The following NUS1 variants were observed in gnomAD, a reference collection of about 807,000 sequenced individuals.
The protein encoded by NUS1 is NUS1 dehydrodolichyl diphosphate synthase subunit, also known as dehydrodolichyl diphosphate synthase complex subunit NUS1.
For synonymous variants in NUS1, 135 were observed against 155.2 expected (o/e 0.87, Z 0.97); for missense variants, 292 against 382.9 (o/e 0.76, Z 1.98).
At chr6:117,680,838 A>T (rs1038903406) in intron 1 of NUS1, among the ~76,000 whole-genome samples, 2 of 152,114 alleles carry the variant, frequency 1.3e-5, no homozygotes, top group African/African-American at 2.4e-5. Flanking sequence ...AAGACAACAA[A>T]TTTTTTTTGT....
rs767517042 is a variant in NUS1, at chr6:117,675,814, C to T, written c.144C>T (p.Val48=). ...RRCCRAASAA[V]LAPLGFTLRK... ...GCTGCCGCGCCGCCTCTGCCGCGGT[C>T]CTAGCGCCGCTCGGCTTCACGCTCC... The change falls in exon 1 of 5, where the codon GTC becomes GTT. Residue 48 remains valine (V), a synonymous_variant. Coordinates refer to ENST00000368494, the MANE Select transcript of NUS1 (RefSeq NM_138459.5). 70 of 1,558,472 alleles carry T rather than the reference C, an allele frequency of 4.5e-5. No individual in the cohort carries two copies. The highest frequency in any genetic ancestry group is 2.3e-4 in the Middle Eastern group (1 of 4,368).
intron 1 of NUS1, among the ~76,000 whole-genome samples, chr6:117,680,576 T>C (rs1017198058): frequency 2.6e-5 from 4 of 152,204 alleles, no homozygotes; most frequent in Non-Finnish European, 4.4e-5. Context: ...CACTTAGTAA[T>C]CAAACTTAAT....
intron 1 of NUS1, among the ~76,000 whole-genome samples, chr6:117,679,791 A>G (rs554604729): frequency 2.6e-4 from 40 of 152,352 alleles, no homozygotes; most frequent in African/African-American, 8.4e-4. Context: ...CTAGGAAATC[A>G]TGCAGTGTTA....
At position 117,710,727 on chromosome 6, in the gene NUS1, A is replaced by G. The variant is rs896413467; in HGVS notation, c.*3712A>G. Reference sequence around the variant, plus strand: ...ACATGAAAATAAAATGTTTTAAAAAATTATAGTCCACATTCAGTTATTCTT... The same window carrying G: ...ACATGAAAATAAAATGTTTTAAAAAGTTATAGTCCACATTCAGTTATTCTT... On this transcript the variant is annotated 3_prime_UTR_variant, in exon 5 of 5. Transcript: ENST00000368494. 1.1e-4 allele frequency: 16 copies of G among 152,252 alleles called. No individual in the cohort carries two copies. The highest frequency in any genetic ancestry group is 9.8e-4 in the Admixed American group (15 of 15,284). The allele number at this position is 152,252 out of a possible 1,614,324, so 9.4% of individuals were successfully genotyped here. A position where few individuals can be genotyped will look rare whatever the true frequency, so the allele number is the denominator to read the frequency against.
intron 1 of NUS1, among the ~76,000 whole-genome samples, chr6:117,679,199 C>T (rs1354830011): frequency 3.9e-5 from 6 of 152,044 alleles, no homozygotes; most frequent in Non-Finnish European, 7.4e-5. Flanking sequence ...CTTTAAGGAG[C>T]GAAAAATGGA....
intron 1 of NUS1, among the ~76,000 whole-genome samples, chr6:117,678,827 G>T (rs1773021439): frequency 6.6e-6 from 1 of 151,856 alleles, no homozygotes; most frequent in South Asian, 2.1e-4. Flanking sequence ...TACAGGTGAT[G>T]CGCGCCACCC....
intron 3 of NUS1, among the ~76,000 whole-genome samples, chr6:117,697,159 G>A (rs9374676): frequency 6.6e-6 from 1 of 151,732 alleles, no homozygotes; most frequent in African/African-American, 2.4e-5. Flanking sequence ...AAACATACAA[G>A]AGATACACAA....
chr6:117,706,995 G>A lies in NUS1; in HGVS notation c.862G>A (p.Glu288Lys), dbSNP rs1562184035. 1 of 1,612,582 alleles carries A rather than the reference G, an allele frequency of 6.2e-7. No homozygotes were observed. The highest frequency in any genetic ancestry group is 1.3e-5 in the African/African-American group (1 of 74,934). The change falls in exon 5 of 5, where the codon GAA becomes AAA. Residue 288 changes from glutamate (E) to lysine (K), a missense_variant. By Grantham distance (56) the Glu-to-Lys change is moderately conservative. Coordinates refer to ENST00000368494, the MANE Select transcript of NUS1 (RefSeq NM_138459.5). ...FSALRQYAAC[E>K]QRLGK ...TGCCCTTCGTCAATATGCAGCCTGT[G>A]AACAGCGTCTGGGAAAGTAGTGGTC...
chr6:117,676,474 A>AGG (rs1326637469), intron 1 of NUS1, among the ~76,000 whole-genome samples: 2 of 152,170 alleles, frequency 1.3e-5, no homozygotes, highest in East Asian at 3.9e-4. Flanking sequence ...GCTACTAGGG[A>AGG]GGCTGAGGCA....
intron 3 of NUS1, among the ~76,000 whole-genome samples, chr6:117,699,115 A>G (rs72951515): frequency 0.049 from 7,385 of 152,236 alleles, 193 homozygotes; most frequent in Middle Eastern, 0.12. Flanking sequence ...CACTTTCACC[A>G]CTGTTATTTA....
intron 2 of NUS1, 48 bp from the exon 3 acceptor site, chr6:117,693,983 A>G: frequency 1.9e-6 from 3 of 1,579,806 alleles, no homozygotes; most frequent in African/African-American, 1.4e-5. Flanking sequence ...TTTGAAATAT[A>G]CCTGGAAGAG....
At chr6:117,695,215 AAAAAAAG>A (rs1773301486) in intron 3 of NUS1, among the ~76,000 whole-genome samples, 1 of 151,364 alleles carries the variant, frequency 6.6e-6, no homozygotes, top group African/African-American at 2.4e-5. Context: ...AAAAAAAAAA[AAAAAAAG>A]AAAAAGAAAT....
At chr6:117,706,352 T>G (rs1773501174) in intron 4 of NUS1, among the ~76,000 whole-genome samples, 1 of 152,168 alleles carries the variant, frequency 6.6e-6, no homozygotes, top group Non-Finnish European at 1.5e-5. Context: ...AGCATGGCTT[T>G]CCTAAACTAA....
chr6:117,693,633 TAACA>T lies in NUS1; in HGVS notation c.542-397_542-394del, dbSNP rs374729116. Among the ~76,000 whole-genome samples the T allele has an allele frequency of 2.8e-3, 428 of 152,322 alleles. 1 individual carries two copies. Among genetic ancestry groups the T allele is most frequent in the African/African-American group, 9.4e-3 (390 of 41,588 alleles). Reference sequence around the variant, plus strand: ...GCTATAGGCAATGCATATTCCACTCTAACAGTTTTTTCTTAGTCTTTATTTTTTC... The same window carrying T: ...GCTATAGGCAATGCATATTCCACTCTGTTTTTTCTTAGTCTTTATTTTTTC... On this transcript the variant is annotated intron_variant, in intron 2 of 4. Coordinates refer to ENST00000368494, the MANE Select transcript of NUS1 (RefSeq NM_138459.5).
At chr6:117,683,888 G>T (rs766493908) in intron 1 of NUS1, among the ~76,000 whole-genome samples, 1 of 152,134 alleles carries the variant, frequency 6.6e-6, no homozygotes, top group Admixed American at 6.5e-5. Context: ...TAAACTCCTT[G>T]TGACTTGGTT....
chr6:117,690,193 T>C (rs754128222), intron 1 of NUS1, among the ~76,000 whole-genome samples: 26 of 152,334 alleles, frequency 1.7e-4, no homozygotes, highest in Non-Finnish European at 3.7e-4. Flanking sequence ...ATATATTTTT[T>C]GCTTAATCTT....
At chr6:117,677,550 A>T (rs1340852628) in intron 1 of NUS1, among the ~76,000 whole-genome samples, 1 of 152,234 alleles carries the variant, frequency 6.6e-6, no homozygotes, top group African/African-American at 2.4e-5. Context: ...CTAGAGAGGC[A>T]TACATCTTTG....
chr6:117,680,846 TG>T (rs903589232), intron 1 of NUS1, among the ~76,000 whole-genome samples: 12 of 152,348 alleles, frequency 7.9e-5, no homozygotes, highest in African/African-American at 2.9e-4. Context: ...AAATTTTTTT[TG>T]TGTGCTGCTC....
intron 3 of NUS1, among the ~76,000 whole-genome samples, chr6:117,697,614 G>A (rs1773338786): frequency 6.6e-6 from 1 of 151,932 alleles, no homozygotes; most frequent in Non-Finnish European, 1.5e-5. Context: ...TATGACAGTT[G>A]TAAATACATA....
Sources: allele counts gnomAD v4.1 joint callset (sites outside exome capture counted in the v4.1 genomes callset), GRCh38; gene constraint gnomAD v4.1.1; transcripts MANE v1.5; gene names NCBI Gene and HGNC (gene_info 2026-07-23, HGNC 2026-07-21).